Variants in CNOT4 observed in about 807,000 individuals in gnomAD.
CNOT4 encodes the protein CCR4-associated factor 4.
In CNOT4, 8 loss-of-function variants were observed where a neutral mutation model predicts 73.8. The observed-to-expected ratio is 0.11, with a 90% CI of 0.06 to 0.20. The LOEUF is 0.20. Among genes scored for constraint, CNOT4 ranks in the 10% least tolerant of loss-of-function variants. The pLI, the probability that CNOT4 is intolerant of heterozygous loss-of-function variation, is 1.00. For synonymous variants in CNOT4, 293 were observed against 321.1 expected (o/e 0.91, Z 0.94); for missense variants, 564 against 883.4 (o/e 0.64, Z 4.58).
chr7:135,396,107 C>CTTTTTTTTTTTTTTT (rs71174519), intron 8 of CNOT4, among the ~76,000 whole-genome samples: 1 of 95,432 alleles, frequency 1.0e-5, no homozygotes, highest in Non-Finnish European at 2.0e-5. Flanking sequence ...ACTAGTCTCC[C>CTTTTTTTTTTTTTTT]TTTTTTTTTT....
intron 7 of CNOT4, among the ~76,000 whole-genome samples, chr7:135,408,292 G>C (rs1474517326): frequency 6.6e-6 from 1 of 152,106 alleles, no homozygotes; most frequent in East Asian, 1.9e-4. Flanking sequence ...TGAACATATA[G>C]TGAAATACTA....
At chr7:135,502,600 A>C (rs1804055987) in intron 1 of CNOT4, among the ~76,000 whole-genome samples, 1 of 152,140 alleles carries the variant, frequency 6.6e-6, no homozygotes, top group Admixed American at 6.5e-5. Flanking sequence ...AGATCACCTG[A>C]GGTCAGGAGT....
chr7:135,410,464 A>G, intron 7 of CNOT4, 51 bp downstream of exon 7: 1 of 1,193,530 alleles, frequency 8.4e-7, no homozygotes, highest in Non-Finnish European at 1.1e-6. Context: ...TGAAAAGAGA[A>G]GATCAACTGA....
chr7:135,420,469 T>TG (rs1028498569), intron 3 of CNOT4, among the ~76,000 whole-genome samples: 4 of 145,188 alleles, frequency 2.8e-5, no homozygotes, highest in South Asian at 2.2e-4. Context: ...CCCAGTTACC[T>TG]GGGGGGCTGA....
intron 1 of CNOT4, among the ~76,000 whole-genome samples, chr7:135,479,163 A>G (rs1281778530): frequency 2.0e-5 from 3 of 151,224 alleles, no homozygotes; most frequent in Non-Finnish European, 4.4e-5. Flanking sequence ...AAGTTGCACC[A>G]ATCTTACAGT....
intron 1 of CNOT4, among the ~76,000 whole-genome samples, chr7:135,462,953 C>T (rs1800967934): frequency 6.6e-6 from 1 of 152,190 alleles, no homozygotes; most frequent in Admixed American, 6.6e-5. Flanking sequence ...TATGGCTAGC[C>T]AGTTATCCCA....
chr7:135,469,152 G>C (rs1801413957), intron 1 of CNOT4, among the ~76,000 whole-genome samples: 1 of 151,846 alleles, frequency 6.6e-6, no homozygotes, highest in African/African-American at 2.4e-5. Flanking sequence ...TAACTCTGAG[G>C]GATGCCCAAG....
At chr7:135,453,235 G>A (rs1329191371) in intron 1 of CNOT4, among the ~76,000 whole-genome samples, 1 of 151,892 alleles carries the variant, frequency 6.6e-6, no homozygotes, top group African/African-American at 2.4e-5. Flanking sequence ...TTAATCCAAG[G>A]AGAAACACTA....
chr7:135,454,428 T>C (rs551474482), intron 1 of CNOT4, among the ~76,000 whole-genome samples: 6 of 151,666 alleles, frequency 4.0e-5, no homozygotes, highest in Non-Finnish European at 7.4e-5. Context: ...CCAAGGCAGG[T>C]GGATCGCTTG....
intron 1 of CNOT4, among the ~76,000 whole-genome samples, chr7:135,481,325 T>C (rs151255102): frequency 1.3e-5 from 2 of 151,816 alleles, no homozygotes; most frequent in East Asian, 1.9e-4. Context: ...AACAAGTATA[T>C]GAAAAAAATG....
intron 1 of CNOT4, among the ~76,000 whole-genome samples, chr7:135,468,468 G>A (rs191505374): frequency 7.6e-4 from 116 of 152,096 alleles, no homozygotes; most frequent in African/African-American, 2.7e-3. Context: ...GTGACCTGAG[G>A]TCAGGAGTTC....
intron 1 of CNOT4, among the ~76,000 whole-genome samples, chr7:135,466,449 G>A (rs1801226912): frequency 6.8e-6 from 1 of 146,896 alleles, no homozygotes; most frequent in African/African-American, 2.6e-5. Flanking sequence ...ACTCCATCCA[G>A]CCTGGGCAAT....
At chr7:135,454,549 C>T (rs906172967) in intron 1 of CNOT4, among the ~76,000 whole-genome samples, 1 of 151,670 alleles carries the variant, frequency 6.6e-6, no homozygotes, top group Admixed American at 6.6e-5. Flanking sequence ...TGGTACGCAC[C>T]TGTGGTCCCA....
intron 10 of CNOT4, 54 bp downstream of exon 10, chr7:135,393,864 C>A (rs1585576371): frequency 1.5e-6 from 2 of 1,325,458 alleles, no homozygotes; most frequent in Non-Finnish European, 2.1e-6. Flanking sequence ...ATCCACCCAA[C>A]AACCTGAAAA....
intron 1 of CNOT4, among the ~76,000 whole-genome samples, chr7:135,451,291 T>C (rs1010445212): frequency 8.5e-5 from 13 of 152,090 alleles, no homozygotes; most frequent in Admixed American, 3.3e-4. Context: ...AACAGTTGTG[T>C]TTTGTTTTGT....
intron 1 of CNOT4, among the ~76,000 whole-genome samples, chr7:135,502,870 T>G (rs2129488224): frequency 6.6e-6 from 1 of 150,606 alleles, no homozygotes; most frequent in Middle Eastern, 3.4e-3. Flanking sequence ...ATCCTGATTT[T>G]GGCAGGGCAC....
intron 8 of CNOT4, among the ~76,000 whole-genome samples, chr7:135,396,860 A>G (rs2129483496): frequency 6.6e-6 from 1 of 152,330 alleles, no homozygotes; most frequent in East Asian, 1.9e-4. Flanking sequence ...ATCTAGAGAT[A>G]CATACAAACC....
At chr7:135,380,915 A>C (rs1319369062) in intron 10 of CNOT4, among the ~76,000 whole-genome samples, 1 of 152,188 alleles carries the variant, frequency 6.6e-6, no homozygotes, top group Non-Finnish European at 1.5e-5. Context: ...AATCATTTTT[A>C]AGTTATCCTT....
chr7:135,405,848 C>A (rs1006586755), intron 7 of CNOT4, among the ~76,000 whole-genome samples: 5 of 152,138 alleles, frequency 3.3e-5, no homozygotes, highest in African/African-American at 7.2e-5. Context: ...AAGAGAAAAT[C>A]ACATTTTAAG....
Sources: gnomAD v4.1 joint callset for allele counts (sites outside exome capture counted in the v4.1 genomes callset) on GRCh38, gnomAD v4.1.1 for gene constraint, MANE v1.5 for transcripts, NCBI Gene and HGNC (gene_info 2026-07-23, HGNC 2026-07-21) for gene names.